The following TMEM184C variants were observed in gnomAD, a reference collection of about 807,000 sequenced individuals.
TMEM184C encodes transmembrane protein 34.
A neutral mutation model predicts 54.5 loss-of-function variants in TMEM184C; 25 were observed. The observed-to-expected ratio is 0.46, with a 90% CI of 0.33 to 0.64. The LOEUF is 0.64. Among genes scored for constraint, TMEM184C ranks in the 30% least tolerant of loss-of-function variants. The pLI, the probability that TMEM184C is intolerant of heterozygous loss-of-function variation, is 0.02. For synonymous variants in TMEM184C, 148 were observed against 181.5 expected (o/e 0.82, Z 1.49); for missense variants, 335 against 520.3 (o/e 0.64, Z 3.46).
Position 147,634,614 on chromosome 4 carries a change from A to C in TMEM184C, c.*180A>C, listed in dbSNP as rs1732979841. The C allele has an allele frequency of 1.5e-6, 1 of 648,364 alleles. No homozygotes were observed. The highest frequency in any genetic ancestry group is 1.8e-5 in the African/African-American group (1 of 54,644). 40.2% of individuals were successfully genotyped at this position (648,364 alleles called of 1,614,324 possible). A position where few individuals can be genotyped will look rare whatever the true frequency, so the allele number is the denominator to read the frequency against. On this transcript the variant is annotated 3_prime_UTR_variant, in exon 10 of 10. Coordinates refer to ENST00000296582, the MANE Select transcript of TMEM184C (RefSeq NM_018241.3). ...TTGTATATCAAAAATAATTGGTCTA[A>C]ATTTCCTAGACTTAGACTTGATTTC...
At chr4:147,630,702 GGAT>G (rs1732901521) in intron 6 of TMEM184C, among the ~76,000 whole-genome samples, 1 of 151,992 alleles carries the variant, frequency 6.6e-6, no homozygotes, top group Non-Finnish European at 1.5e-5. Flanking sequence ...TGTGTAAAAA[GGAT>G]GATTGGACAC....
In TMEM184C at chr4:147,623,716, G is replaced by A. The variant is rs187170355; in HGVS notation, c.124-118G>A. The A allele has an allele frequency of 1.4e-5, 13 of 899,784 alleles. No homozygotes were observed. In the Admixed American group the frequency reaches 1.6e-4, roughly 11 times the overall value. The allele number at this position is 899,784 out of a possible 1,614,324, so 55.7% of individuals were successfully genotyped here. A position where few individuals can be genotyped will look rare whatever the true frequency, so the allele number is the denominator to read the frequency against. On this transcript the variant is annotated intron_variant, in intron 1 of 9. Transcript: ENST00000296582. ...TGGTTTCAAACTCCTGGCCTCAAGC[G>A]ATCCTCCCACCTCGGCCTCCCCAAG...
chr4:147,623,765 A>C, intron 1 of TMEM184C, 69 bp from the exon 2 acceptor site: 1 of 1,504,708 alleles, frequency 6.6e-7, no homozygotes, highest in Non-Finnish European at 9.2e-7. Context: ...GGCACAAGGC[A>C]CTGAGCCTGG....
In TMEM184C at chr4:147,634,316, G is replaced by T. The variant is rs1316791491; in HGVS notation, c.1199G>T (p.Gly400Val). 2.5e-6 allele frequency: 4 copies of T among 1,613,676 alleles called. No individual in the cohort carries two copies. The Admixed American group carries it at 6.7e-5, about 27-fold the overall frequency. The change falls in exon 10 of 10, where the codon GGG becomes GTG. Residue 400 changes from glycine (G) to valine (V), a missense_variant. Coordinates refer to ENST00000296582, the MANE Select transcript of TMEM184C (RefSeq NM_018241.3). The stretch of plus-strand genomic sequence containing the variant: ...CCTTCACCCATGGGTCACTACCAAG[G>T]GTTTGGACACACTGTGACTCCCCAG... ...MPPSPMGHYQ[G>V]FGHTVTPQTT...
At chr4:147,620,646 A>G (rs1386603488) in intron 1 of TMEM184C, among the ~76,000 whole-genome samples, 1 of 152,258 alleles carries the variant, frequency 6.6e-6, no homozygotes, top group African/African-American at 2.4e-5. Context: ...CTTAGAAGTG[A>G]GCAAACAAGA....
At chr4:147,632,818 AT>A (rs112018747) in intron 7 of TMEM184C, 84 bp from the exon 8 acceptor site, 1,225 of 1,175,868 alleles carry the variant, frequency 1.0e-3, no homozygotes, top group South Asian at 1.4e-3. Context: ...GTTGCACTGG[AT>A]TTTTTTTTAA....
intron 1 of TMEM184C, among the ~76,000 whole-genome samples, chr4:147,621,513 CAT>C (rs1190572567): frequency 1.3e-5 from 2 of 152,110 alleles, no homozygotes; most frequent in East Asian, 1.9e-4. Flanking sequence ...TAGAGGTAAA[CAT>C]AAAATTAAAA....
At position 147,631,524 on chromosome 4, in the gene TMEM184C, T is replaced by A. The variant is rs376146342; in HGVS notation, c.779+19T>A. 17 of 1,577,866 alleles carry A rather than the reference T, an allele frequency of 1.1e-5. No homozygotes were observed. Among genetic ancestry groups the A allele is most frequent in the South Asian group, 2.3e-5 (2 of 87,222 alleles). On this transcript the variant is annotated intron_variant, in intron 7 of 9. Transcript: ENST00000296582. ...CTTTTTGGTAAGTGTTACTTTTTTT[T>A]AAATGTTCTCATTTTTTTAAGGGCA...
chr4:147,635,249 C>T lies in TMEM184C; in HGVS notation c.*815C>T, dbSNP rs748177274. 7.2e-5 allele frequency: 11 copies of T among 151,966 alleles called. No individual in the cohort carries two copies. Among genetic ancestry groups the T allele is most frequent in the Non-Finnish European group, 1.3e-4 (9 of 67,992 alleles). 9.4% of individuals were successfully genotyped at this position (151,966 alleles called of 1,614,324 possible). A position where few individuals can be genotyped will look rare whatever the true frequency, so the allele number is the denominator to read the frequency against. ...TTCTGCAACTTTTTTATGTCTCATT[C>T]TTTAAACATTAAAAACCCTTAATAT... On this transcript the variant is annotated 3_prime_UTR_variant, in exon 10 of 10. Transcript: ENST00000296582.
rs1733018154 is a variant in TMEM184C, at chr4:147,635,669, GTCTT to G, written c.*1237_*1240del. 2 of 151,964 alleles carry G rather than the reference GTCTT, an allele frequency of 1.3e-5. No individual in the cohort carries two copies. The allele number at this position is 151,964 out of a possible 1,614,324, so 9.4% of individuals were successfully genotyped here. ...TAGTGGTTCACAGTAATCATACAAA[GTCTT>G]TATTCCATCCACTATTATAAACATT... On this transcript the variant is annotated 3_prime_UTR_variant, in exon 10 of 10. Transcript: ENST00000296582.
chr4:147,624,902 C>CAATT lies in TMEM184C; in HGVS notation c.392_395dup (p.Tyr132Ter), dbSNP rs1404672556. The CAATT allele has an allele frequency of 6.2e-7, 1 of 1,613,732 alleles. No homozygotes were observed. Among genetic ancestry groups the CAATT allele is most frequent in the Non-Finnish European group, 8.5e-7 (1 of 1,179,876 alleles). Reference sequence around the variant, plus strand: ...TTTACAACTTTATGGGATTCCTTACCAATTATCTAACTAACCGGTATCCAA... The same window carrying CAATT: ...TTTACAACTTTATGGGATTCCTTACCAATTAATTATCTAACTAACCGGTATCCAA... On this transcript the variant is annotated frameshift_variant, in exon 4 of 10. Coordinates refer to ENST00000296582, the MANE Select transcript of TMEM184C (RefSeq NM_018241.3). LOFTEE classifies it high-confidence loss of function.
Position 147,626,001 on chromosome 4 carries a change from C to CA in TMEM184C, c.497+995dup, listed in dbSNP as rs1374331689. ...GGAGAGAGGTGAAATCATAGGGAGTCAAAGCTGTCCACTTATACTGAGTCA... is the reference window on the plus strand; with the variant it reads ...GGAGAGAGGTGAAATCATAGGGAGTCAAAAGCTGTCCACTTATACTGAGTCA... On this transcript the variant is annotated intron_variant, in intron 4 of 9. Coordinates refer to ENST00000296582, the MANE Select transcript of TMEM184C (RefSeq NM_018241.3). 4.6e-5 allele frequency among the ~76,000 whole-genome samples: 7 copies of CA among 152,088 alleles called. No individual in the cohort carries two copies. In the South Asian group the frequency reaches 8.3e-4, roughly 18 times the overall value.
At chr4:147,633,265 C>G (rs1159851865) in intron 8 of TMEM184C, among the ~76,000 whole-genome samples, 3 of 151,754 alleles carry the variant, frequency 2.0e-5, no homozygotes, top group African/African-American at 7.3e-5. Context: ...ATGCAATATA[C>G]TTGATGTGAT....
In TMEM184C at chr4:147,634,377, C is replaced by T. The variant is rs1457890608; in HGVS notation, c.1260C>T (p.Ile420=). Residue 420 remains isoleucine (I), a synonymous_variant, in exon 10 of 10, where the codon ATC becomes ATT. Transcript: ENST00000296582. ...CCACAGCTAAGATATCTGATGAAAT[C>T]CTTAGTGATACTATAGGAGAGAAAA... The part of the protein sequence containing the change: ...TPTTAKISDE[I]LSDTIGEKKE... The T allele has an allele frequency of 3.7e-6, 6 of 1,613,998 alleles. No individual in the cohort carries two copies. In the Admixed American group the frequency reaches 1.0e-4, roughly 27 times the overall value.
intron 7 of TMEM184C, 183 bp from the exon 8 acceptor site, chr4:147,632,720 A>T: frequency 1.9e-6 from 1 of 520,078 alleles, no homozygotes. Context: ...AAACTACTAG[A>T]AAAATGAATT....
Position 147,634,574 on chromosome 4 carries a change from T to C in TMEM184C, c.*140T>C. 1.1e-6 allele frequency: 1 copy of C among 906,842 alleles called. No homozygotes were observed. The highest frequency in any genetic ancestry group is 2.0e-5 in the South Asian group (1 of 50,482). The allele number at this position is 906,842 out of a possible 1,614,324, so 56.2% of individuals were successfully genotyped here. A position where few individuals can be genotyped will look rare whatever the true frequency, so the allele number is the denominator to read the frequency against. ...TGAAAGCCAGGTACAACTACTGCAT[T>C]TATATATGTAAGTTTTGTATATCAA... On this transcript the variant is annotated 3_prime_UTR_variant, in exon 10 of 10. Transcript: ENST00000296582.
At chr4:147,618,947 G>A (rs189150236) in intron 1 of TMEM184C, among the ~76,000 whole-genome samples, 92 of 152,266 alleles carry the variant, frequency 6.0e-4, no homozygotes, top group Non-Finnish European at 1.6e-4. Flanking sequence ...TCGGCTCACC[G>A]CAACCTCCGC....
At chr4:147,626,705 T>C (rs1276225241) in intron 4 of TMEM184C, among the ~76,000 whole-genome samples, 1 of 152,194 alleles carries the variant, frequency 6.6e-6, no homozygotes, top group Non-Finnish European at 1.5e-5. Context: ...AATACCTTAG[T>C]GCACAGAACA....
chr4:147,628,259 T>C, intron 4 of TMEM184C, 102 bp from the exon 5 acceptor site: 1 of 847,798 alleles, frequency 1.2e-6, no homozygotes, highest in Non-Finnish European at 1.9e-6. Flanking sequence ...TAACTGTAAA[T>C]ATGGTATCAT....
Sources: gnomAD v4.1 joint callset for allele counts (sites outside exome capture counted in the v4.1 genomes callset) on GRCh38, gnomAD v4.1.1 for gene constraint, MANE v1.5 for transcripts, NCBI Gene and HGNC (gene_info 2026-07-23, HGNC 2026-07-21) for gene names.